The following PPM1L variants were observed in gnomAD, a reference collection of about 807,000 sequenced individuals.
PPM1L encodes protein phosphatase, Mg2+/Mn2+ dependent 1L, also known as protein phosphatase 1L.
A neutral mutation model predicts 31.4 loss-of-function variants in PPM1L; 13 were observed. That is an observed-to-expected ratio of 0.41 (90% CI 0.27 to 0.66). The LOEUF (loss-of-function observed/expected upper bound fraction) is 0.66. Ranked by LOEUF, PPM1L falls within the 30% of genes least tolerant of loss-of-function variation. The pLI is 0.29. For missense variants in PPM1L, 326 were observed against 453.7 expected, an observed-to-expected ratio of 0.72 and a Z score of 2.56; for synonymous variants, 184 against 175.4, an observed-to-expected ratio of 1.05 and a Z score of -0.39.
At chr3:160,889,672 A>T (rs1214919817) in intron 1 of PPM1L, among the ~76,000 whole-genome samples, 1 of 152,224 alleles carries the variant, frequency 6.6e-6, no homozygotes, top group African/African-American at 2.4e-5. Flanking sequence ...TCATCCTGAT[A>T]CCAAAACTAG....
chr3:161,030,074 A>G (rs545025580), intron 2 of PPM1L, among the ~76,000 whole-genome samples: 1 of 152,260 alleles, frequency 6.6e-6, no homozygotes, highest in Admixed American at 6.5e-5. Context: ...CTCAGACAAA[A>G]TTTTACAGAC....
At chr3:160,869,696 G>A (rs1414759291) in intron 1 of PPM1L, among the ~76,000 whole-genome samples, 1 of 149,188 alleles carries the variant, frequency 6.7e-6, no homozygotes, top group Non-Finnish European at 1.5e-5. Flanking sequence ...ATCTTTTATA[G>A]GTTCTGCCTT....
At chr3:161,005,128 A>G (rs1364677277) in intron 2 of PPM1L, among the ~76,000 whole-genome samples, 1 of 152,236 alleles carries the variant, frequency 6.6e-6, no homozygotes, top group Non-Finnish European at 1.5e-5. Context: ...CATTGGTTTC[A>G]AAGAACATCT....
intron 1 of PPM1L, among the ~76,000 whole-genome samples, chr3:160,918,219 G>A (rs1221623025): frequency 1.3e-5 from 2 of 152,226 alleles, no homozygotes; most frequent in African/African-American, 4.8e-5. Context: ...AAAGCTATTT[G>A]AGGGCAAAAG....
At chr3:160,828,939 A>G (rs2108096063) in intron 1 of PPM1L, among the ~76,000 whole-genome samples, 1 of 152,200 alleles carries the variant, frequency 6.6e-6, no homozygotes, top group Middle Eastern at 3.4e-3. Context: ...CCTAATTCAA[A>G]CATTTCCACC....
At chr3:161,023,714 C>A (rs1718300441) in intron 2 of PPM1L, among the ~76,000 whole-genome samples, 1 of 151,922 alleles carries the variant, frequency 6.6e-6, no homozygotes, top group Admixed American at 6.6e-5. Context: ...AAGTTTTTTT[C>A]TTGAAAGTCT....
chr3:160,942,107 T>TA (rs1255609240), intron 1 of PPM1L, among the ~76,000 whole-genome samples: 1 of 152,208 alleles, frequency 6.6e-6, no homozygotes, highest in Admixed American at 6.5e-5. Context: ...GAGGAAAGGC[T>TA]AACTACAGAT....
intron 2 of PPM1L, among the ~76,000 whole-genome samples, chr3:161,058,575 T>C (rs558946965): frequency 2.1e-4 from 32 of 152,150 alleles, no homozygotes; most frequent in African/African-American, 7.7e-4. Context: ...GTGCTTTGTA[T>C]ACTATACAAA....
chr3:160,764,225 G>A (rs905272967), intron 1 of PPM1L, among the ~76,000 whole-genome samples: 3 of 152,102 alleles, frequency 2.0e-5, no homozygotes, highest in Non-Finnish European at 4.4e-5. Context: ...ACAAACTCCT[G>A]GGCTCAGATG....
At chr3:160,923,650 C>G (rs190354557) in intron 1 of PPM1L, among the ~76,000 whole-genome samples, 1 of 152,074 alleles carries the variant, frequency 6.6e-6, no homozygotes, top group African/African-American at 2.4e-5. Flanking sequence ...AGTAGTTAAC[C>G]GTAAGAAAAT....
chr3:160,972,246 C>T (rs1429156013), intron 2 of PPM1L, among the ~76,000 whole-genome samples: 17 of 151,916 alleles, frequency 1.1e-4, no homozygotes, highest in African/African-American at 3.4e-4. Flanking sequence ...ATGTGCACAA[C>T]GTGCAGGTTT....
At chr3:160,875,726 A>G (rs1300000418) in intron 1 of PPM1L, among the ~76,000 whole-genome samples, 2 of 152,202 alleles carry the variant, frequency 1.3e-5, no homozygotes, top group African/African-American at 4.8e-5. Flanking sequence ...AGGTGAAGAA[A>G]CACATTTAGG....
chr3:161,075,687 A>C lies in PPM1L; in HGVS notation c.*6530A>C, dbSNP rs1333850712. On this transcript the variant is annotated 3_prime_UTR_variant, in exon 4 of 4. Coordinates refer to ENST00000498165, the MANE Select transcript of PPM1L (RefSeq NM_139245.4). ...CCAAATCAAGGGAGAGTAATATAAAAGGAAATATTTTAAATTAAGAAAAGG... is the reference window on the plus strand; with the variant it reads ...CCAAATCAAGGGAGAGTAATATAAACGGAAATATTTTAAATTAAGAAAAGG... 1 of 152,350 alleles carries C rather than the reference A, an allele frequency of 6.6e-6. No homozygotes were observed. Among genetic ancestry groups the C allele is most frequent in the East Asian group, 1.9e-4 (1 of 5,192 alleles). 9.4% of individuals were successfully genotyped at this position (152,350 alleles called of 1,614,324 possible).
intron 1 of PPM1L, among the ~76,000 whole-genome samples, chr3:160,867,327 C>T (rs199834050): frequency 9.5e-4 from 118 of 123,736 alleles, no homozygotes; most frequent in Admixed American, 2.0e-3. Flanking sequence ...GTTCCATGTT[C>T]TTTTTTTTTT....
Position 161,065,456 on chromosome 3 carries a change from G to A in PPM1L, c.628G>A (p.Val210Met), listed in dbSNP as rs1338592423. The A allele has an allele frequency of 4.3e-6, 7 of 1,614,104 alleles. No individual in the cohort carries two copies. The highest frequency in any genetic ancestry group is 5.9e-6 in the Non-Finnish European group (7 of 1,179,978). Residue 210 changes from valine to methionine, a missense_variant, in exon 3 of 4, where the codon GTG becomes ATG. Physicochemically the swap from Val to Met is conservative, Grantham distance 21. This residue lies in a region of PPM1L where 201 missense variants were observed against 298.2 expected (regional missense o/e 0.67). Coordinates refer to ENST00000498165, the MANE Select transcript of PPM1L (RefSeq NM_139245.4). ...AGATAAAGACCTCACTGTGGCCAAC[G>A]TGGGTGACTCGCGCGGGGTCCTGTG... ...LSDKDLTVAN[V>M]GDSRGVLCDK...
At chr3:160,796,316 G>A (rs1712249463) in intron 1 of PPM1L, among the ~76,000 whole-genome samples, 1 of 152,144 alleles carries the variant, frequency 6.6e-6, no homozygotes, top group African/African-American at 2.4e-5. Context: ...GGTGGGGTCT[G>A]GGGCAGGGTA....
At chr3:160,808,838 T>C (rs760290585) in intron 1 of PPM1L, among the ~76,000 whole-genome samples, 2 of 152,212 alleles carry the variant, frequency 1.3e-5, no homozygotes, top group African/African-American at 2.4e-5. Context: ...CCCATCTTTG[T>C]AGAGCAGCCC....
At chr3:160,832,989 A>G (rs1225289722) in intron 1 of PPM1L, among the ~76,000 whole-genome samples, 1 of 152,022 alleles carries the variant, frequency 6.6e-6, no homozygotes, top group African/African-American at 2.4e-5. Context: ...CTCATTGTTC[A>G]GCTCCCACTT....
At chr3:160,950,802 G>C (rs150702986) in intron 1 of PPM1L, among the ~76,000 whole-genome samples, 21 of 152,332 alleles carry the variant, frequency 1.4e-4, no homozygotes, top group East Asian at 1.2e-3. Flanking sequence ...GAGTGTTTTA[G>C]AGTTCACTTC....
Sources: gnomAD v4.1 joint callset for allele counts (sites outside exome capture counted in the v4.1 genomes callset) on GRCh38, gnomAD v4.1.1 for gene constraint, gnomAD v4.1.1 regional missense constraint, MANE v1.5 for transcripts, NCBI Gene and HGNC (gene_info 2026-07-23, HGNC 2026-07-21) for gene names.